The following AFF4 variants were observed in gnomAD, a reference collection of about 807,000 sequenced individuals.
AFF4 encodes the protein AF4/FMR2 family member 4.
In AFF4, 13 loss-of-function variants were observed where a neutral mutation model predicts 124.8. The ratio of observed to expected loss-of-function variants is 0.10; its 90% CI spans 0.07 to 0.17. The LOEUF (loss-of-function observed/expected upper bound fraction) is 0.17. Ranked by LOEUF, AFF4 falls within the 10% of genes least tolerant of loss-of-function variation. The probability of loss-of-function intolerance (pLI) is 1.00; values close to 1 mark genes in which losing one functional copy is unlikely to be tolerated. For synonymous variants in AFF4, 477 were observed against 496.1 expected, an observed-to-expected ratio of 0.96 and a Z score of 0.51; for missense variants, 1,092 against 1,403.8, an observed-to-expected ratio of 0.78 and a Z score of 3.55.
At chr5:132,908,321 A>G (rs1188107072) in intron 5 of AFF4, among the ~76,000 whole-genome samples, 3 of 152,214 alleles carry the variant, frequency 2.0e-5, no homozygotes, top group Admixed American at 6.5e-5. Context: ...ACACAAAAAT[A>G]TAATGCTTCA....
intron 5 of AFF4, among the ~76,000 whole-genome samples, chr5:132,916,037 G>A (rs1219335294): frequency 1.3e-5 from 2 of 151,886 alleles, no homozygotes; most frequent in African/African-American, 4.8e-5. Context: ...GGTGGATCAC[G>A]AGTTCAGGAC....
intron 5 of AFF4, among the ~76,000 whole-genome samples, chr5:132,911,855 A>G (rs1043356826): frequency 6.6e-6 from 1 of 151,988 alleles, no homozygotes. Context: ...GCCAAAAAAA[A>G]AAAAGGACAT....
At chr5:132,956,719 C>T (rs1391039301) in intron 1 of AFF4, among the ~76,000 whole-genome samples, 3 of 151,466 alleles carry the variant, frequency 2.0e-5, no homozygotes, top group Non-Finnish European at 4.4e-5. Flanking sequence ...TTTTCTCCCA[C>T]CATTTAAAAA....
chr5:132,885,599 T>C (rs1211184278), intron 18 of AFF4, among the ~76,000 whole-genome samples: 1 of 151,996 alleles, frequency 6.6e-6, no homozygotes, highest in Admixed American at 6.6e-5. Flanking sequence ...AAGAGACCCC[T>C]TGGGGCCAGG....
chr5:132,899,889 C>A (rs1209835401), intron 7 of AFF4, among the ~76,000 whole-genome samples: 1 of 152,192 alleles, frequency 6.6e-6, no homozygotes, highest in Non-Finnish European at 1.5e-5. Context: ...TCTAATTAAA[C>A]AAAAGCTACT....
intron 5 of AFF4, among the ~76,000 whole-genome samples, chr5:132,912,029 A>G (rs750119972): frequency 2.6e-5 from 4 of 151,934 alleles, no homozygotes; most frequent in Non-Finnish European, 5.9e-5. Flanking sequence ...TCAAAGTACT[A>G]AAAGAAATAT....
chr5:132,963,355 C>T lies in AFF4; in HGVS notation c.-101G>A. On this transcript the variant is annotated 5_prime_UTR_variant, in exon 1 of 21. Transcript: ENST00000265343. Reference sequence around the variant, plus strand: ...CACCGGACGCGCATTCGAGCCCGCCCAGGGGGCGGTGACAGGCTGCCAAGG... The same window carrying T: ...CACCGGACGCGCATTCGAGCCCGCCTAGGGGGCGGTGACAGGCTGCCAAGG... The T allele has an allele frequency of 2.5e-6, 1 of 397,380 alleles. No homozygotes were observed. Among genetic ancestry groups the T allele is most frequent in the Non-Finnish European group, 4.4e-6 (1 of 225,174 alleles). The allele number at this position is 397,380 out of a possible 1,614,324, so 24.6% of individuals were successfully genotyped here.
At chr5:132,954,791 C>G (rs1761917633) in intron 1 of AFF4, among the ~76,000 whole-genome samples, 1 of 152,066 alleles carries the variant, frequency 6.6e-6, no homozygotes, top group Non-Finnish European at 1.5e-5. Flanking sequence ...TCGTGATCCG[C>G]CCGCCTCGGC....
At chr5:132,931,260 C>T (rs946352739) in intron 4 of AFF4, among the ~76,000 whole-genome samples, 2 of 151,616 alleles carry the variant, frequency 1.3e-5, no homozygotes, top group South Asian at 4.1e-4. Flanking sequence ...GAAACCCCAT[C>T]TCTACTAAAA....
In AFF4 at chr5:132,963,014, AC is replaced by A. The variant is rs139894956; in HGVS notation, c.-5+244del. On this transcript the variant is annotated intron_variant, in intron 1 of 20. Transcript: ENST00000265343. ...AGAAAGAGGAAAGGAGAAACACTAA[AC>A]GGATGGATTTCTGGGAATTTTTGTT... Among the ~76,000 whole-genome samples, 897 of 152,134 alleles carry A rather than the reference AC, an allele frequency of 5.9e-3. 7 individuals are homozygous for A. The highest frequency in any genetic ancestry group is 0.011 in the Non-Finnish European group (726 of 67,990).
intron 5 of AFF4, among the ~76,000 whole-genome samples, chr5:132,905,446 T>A (rs1207558587): frequency 6.6e-6 from 1 of 152,234 alleles, no homozygotes; most frequent in Non-Finnish European, 1.5e-5. Context: ...GAATTGTCTG[T>A]GAAAGAACAA....
intron 5 of AFF4, among the ~76,000 whole-genome samples, chr5:132,917,885 G>A (rs1760951798): frequency 7.1e-6 from 1 of 140,822 alleles, no homozygotes; most frequent in Admixed American, 7.5e-5. Context: ...GCTAATTTTT[G>A]TATTTTTTTA....
intron 1 of AFF4, among the ~76,000 whole-genome samples, chr5:132,942,743 G>A (rs545582750): frequency 1.1e-4 from 16 of 152,310 alleles, no homozygotes; most frequent in African/African-American, 3.8e-4. Context: ...AATTAGAGGC[G>A]TAAGCCATTG....
chr5:132,897,747 A>G (rs1392056461), intron 10 of AFF4, among the ~76,000 whole-genome samples: 1 of 151,842 alleles, frequency 6.6e-6, no homozygotes, highest in African/African-American at 2.4e-5. Context: ...GTTATATATG[A>G]CCTTTAAATA....
chr5:132,937,104 G>A lies in AFF4; in HGVS notation c.86C>T (p.Pro29Leu), dbSNP rs369419699. Reference protein sequence around the residue: ...QEIQQGEDAFPPSSPLFAEPY... With the variant: ...QEIQQGEDAFLPSSPLFAEPY... Reference sequence around the variant, plus strand: ...CTCTGCAAAGAGAGGAGAGCTAGGTGGGAAGGCGTCTTCGCCCTGCTGAAT... The same window carrying A: ...CTCTGCAAAGAGAGGAGAGCTAGGTAGGAAGGCGTCTTCGCCCTGCTGAAT... Residue 29 changes from proline to leucine, a missense_variant, in exon 2 of 21, where the codon CCA becomes CTA. Around this residue, in one of 11 missense-constraint regions of AFF4, gnomAD observed 46 missense variants for 49.0 expected, o/e 0.94. Coordinates refer to ENST00000265343, the MANE Select transcript of AFF4 (RefSeq NM_014423.4). 6.2e-7 allele frequency: 1 copy of A among 1,613,636 alleles called. No individual in the cohort carries two copies. Among genetic ancestry groups the A allele is most frequent in the African/African-American group, 1.3e-5 (1 of 74,920 alleles).
At chr5:132,935,715 G>A (rs916654219) in intron 2 of AFF4, among the ~76,000 whole-genome samples, 1 of 151,042 alleles carries the variant, frequency 6.6e-6, no homozygotes, top group African/African-American at 2.4e-5. Flanking sequence ...AGGTTGCAGT[G>A]AGCAGAGATT....
intron 1 of AFF4, among the ~76,000 whole-genome samples, chr5:132,960,761 G>A (rs1762063547): frequency 6.6e-6 from 1 of 152,050 alleles, no homozygotes; most frequent in South Asian, 2.1e-4. Context: ...TCTAGTAATT[G>A]TGTAAAATAC....
intron 20 of AFF4, among the ~76,000 whole-genome samples, chr5:132,882,769 A>G (rs73259116): frequency 0.12 from 17,397 of 150,228 alleles, 1,268 homozygotes; most frequent in South Asian, 0.19. Context: ...CAGGAGAATC[A>G]CTTGAAACCG....
At chr5:132,902,558 C>A in intron 6 of AFF4, 71 bp from the exon 7 acceptor site, 2 of 1,120,394 alleles carry the variant, frequency 1.8e-6, no homozygotes, top group Non-Finnish European at 2.7e-6. Context: ...ATGTAAAATA[C>A]CCTCAAATAA....
Sources: gnomAD v4.1 joint callset for allele counts (sites outside exome capture counted in the v4.1 genomes callset) on GRCh38, gnomAD v4.1.1 for gene constraint, gnomAD v4.1.1 regional missense constraint, MANE v1.5 for transcripts, NCBI Gene and HGNC (gene_info 2026-07-23, HGNC 2026-07-21) for gene names.